DNAH7: variants seen among roughly 807,000 people sequenced by gnomAD.
DNAH7 encodes the protein dynein axonemal heavy chain 7.
DNAH7 carries 397 observed loss-of-function variants against 444.6 expected under a neutral mutation model. The ratio of observed to expected loss-of-function variants is 0.89; its 90% CI spans 0.82 to 0.97. The LOEUF (loss-of-function observed/expected upper bound fraction) is 0.97, where lower values mean the gene tolerates loss of function less well. Ranked by LOEUF, DNAH7 falls within the 50% of genes least tolerant of loss-of-function variation. The pLI is 0.00. For synonymous variants in DNAH7, 1,636 were observed against 1,624.4 expected (o/e 1.01, Z -0.17); for missense variants, 4,902 against 4,800.8 (o/e 1.02, Z -0.62).
intron 48 of DNAH7, among the ~76,000 whole-genome samples, chr2:195,828,614 T>A (rs59167640): frequency 0.18 from 21,967 of 124,818 alleles, 1,803 homozygotes; most frequent in East Asian, 0.29. Flanking sequence ...ATATATATTT[T>A]TTTTTTTTTT....
intron 1 of DNAH7, among the ~76,000 whole-genome samples, chr2:196,065,459 G>C (rs144264981): frequency 1.4e-4 from 22 of 152,296 alleles, no homozygotes; most frequent in African/African-American, 4.8e-4. Context: ...TAATGTCTGT[G>C]ATGGTTGTGC....
chr2:196,001,234 GTTC>G (rs1388419373), intron 11 of DNAH7, among the ~76,000 whole-genome samples: 2 of 152,096 alleles, frequency 1.3e-5, no homozygotes, highest in Non-Finnish European at 2.9e-5. Flanking sequence ...AACAGAAATG[GTTC>G]TTCTTTGCTA....
chr2:195,869,419 C>T (rs187229774), intron 40 of DNAH7, among the ~76,000 whole-genome samples: 244 of 152,130 alleles, frequency 1.6e-3, no homozygotes, highest in Non-Finnish European at 2.6e-3. Context: ...AGGAAAATCT[C>T]TGCTCTCATG....
chr2:196,049,047 C>T (rs563714515), intron 3 of DNAH7, among the ~76,000 whole-genome samples: 34 of 152,330 alleles, frequency 2.2e-4, no homozygotes, highest in African/African-American at 7.7e-4. Flanking sequence ...CACAAACCTA[C>T]TGTTGCTGAA....
chr2:195,837,342 G>A (rs1698425118), intron 47 of DNAH7, among the ~76,000 whole-genome samples: 1 of 152,196 alleles, frequency 6.6e-6, no homozygotes, highest in African/African-American at 2.4e-5. Context: ...TTCTAACCAA[G>A]ATGGGCTGGG....
intron 15 of DNAH7, among the ~76,000 whole-genome samples, chr2:195,974,280 T>C (rs576345913): frequency 6.6e-6 from 1 of 152,324 alleles, no homozygotes; most frequent in South Asian, 2.1e-4. Context: ...AATGTCTAAC[T>C]GAAAATATAT....
At chr2:196,042,419 T>C (rs944324272) in intron 5 of DNAH7, among the ~76,000 whole-genome samples, 3 of 151,916 alleles carry the variant, frequency 2.0e-5, no homozygotes, top group African/African-American at 7.2e-5. Context: ...TGTGAAAAGA[T>C]AAGGCACAAA....
rs1362670586 is a variant in DNAH7 at position 195,872,571 on chromosome 2, A to G, written c.6414-102T>C. 3.8e-5 allele frequency: 23 copies of G among 609,332 alleles called. 1 individual carries two copies. In the East Asian group the frequency reaches 6.8e-4, roughly 18 times the overall value. 37.7% of individuals were successfully genotyped at this position (609,332 alleles called of 1,614,324 possible). A position where few individuals can be genotyped will look rare whatever the true frequency, so the allele number is the denominator to read the frequency against. On this transcript the variant is annotated intron_variant, in intron 39 of 64. Transcript: ENST00000312428. Reference sequence around the variant, plus strand: ...GGACCAACATAAAATTTTAATTTTGATTAAATCAATTTCATTTATAAAATT... The same window carrying G: ...GGACCAACATAAAATTTTAATTTTGGTTAAATCAATTTCATTTATAAAATT...
intron 5 of DNAH7, among the ~76,000 whole-genome samples, chr2:196,034,476 C>T (rs577166653): frequency 7.9e-5 from 12 of 152,136 alleles, no homozygotes; most frequent in Admixed American, 2.0e-4. Flanking sequence ...ACAGTCTCAA[C>T]GCAATGCTTT....
chr2:195,872,209 T>C (rs1219022229), intron 40 of DNAH7, 41 bp downstream of exon 40: 1 of 1,462,314 alleles, frequency 6.8e-7, no homozygotes, highest in African/African-American at 1.4e-5. Flanking sequence ...GGCAAATCTT[T>C]GTTTCTCACA....
chr2:195,749,749 G>C (rs1175852776), intron 63 of DNAH7, among the ~76,000 whole-genome samples: 1 of 150,500 alleles, frequency 6.6e-6, no homozygotes, highest in Non-Finnish European at 1.5e-5. Flanking sequence ...ACCAAACACC[G>C]CGTATTCTCA....
In DNAH7 at chr2:195,858,621, A is replaced by G; in HGVS notation, c.7920T>C (p.Thr2640=). Residue 2640 remains threonine (T), a synonymous_variant, in exon 43 of 65, where the codon ACT becomes ACC. Coordinates refer to ENST00000312428, the MANE Select transcript of DNAH7 (RefSeq NM_018897.3). ...IEKESVEVAK[T]EKIVKADETI... is the part of the protein sequence containing the mutation. ...TTTCATCAGCTTTCACTATTTTTTCAGTTTTGGCAACTTCTACAGACTCTT... is the reference window on the plus strand; with the variant it reads ...TTTCATCAGCTTTCACTATTTTTTCGGTTTTGGCAACTTCTACAGACTCTT... 6.2e-7 allele frequency: 1 copy of G among 1,613,932 alleles called. No homozygotes were observed. The highest frequency in any genetic ancestry group is 8.5e-7 in the Non-Finnish European group (1 of 1,179,926).
At chr2:195,848,295 C>G in intron 46 of DNAH7, among the ~76,000 whole-genome samples, 1 of 152,246 alleles carries the variant, frequency 6.6e-6, no homozygotes, top group Non-Finnish European at 1.5e-5. Flanking sequence ...AGAAGCCCCA[C>G]AACTGGGTCT....
At chr2:195,743,868 T>A (rs1210515070) in intron 63 of DNAH7, among the ~76,000 whole-genome samples, 2 of 152,214 alleles carry the variant, frequency 1.3e-5, no homozygotes, top group Non-Finnish European at 2.9e-5. Flanking sequence ...AAATTAAGCC[T>A]GCACCGGACA....
chr2:195,848,026 TA>T (rs1699117257), intron 46 of DNAH7, among the ~76,000 whole-genome samples: 1 of 152,132 alleles, frequency 6.6e-6, no homozygotes, highest in Admixed American at 6.5e-5. Flanking sequence ...GTGAAAGACA[TA>T]ACTGGAGAGA....
chr2:195,832,468 G>A (rs1698123426), intron 48 of DNAH7, among the ~76,000 whole-genome samples: 1 of 150,596 alleles, frequency 6.6e-6, no homozygotes, highest in Non-Finnish European at 1.5e-5. Context: ...TTTGAGACAG[G>A]GTCTCACTGT....
At chr2:195,962,412 A>G (rs1465320535) in intron 17 of DNAH7, among the ~76,000 whole-genome samples, 2 of 152,132 alleles carry the variant, frequency 1.3e-5, no homozygotes, top group Admixed American at 1.3e-4. Flanking sequence ...ATGCAGTGGC[A>G]AGATCTCGGC....
chr2:195,777,751 A>T (rs985115065), intron 59 of DNAH7, 49 bp downstream of exon 59: 1 of 1,545,622 alleles, frequency 6.5e-7, no homozygotes, highest in Admixed American at 1.9e-5. Context: ...TCACTACCAA[A>T]ATAATTTCAT....
At chr2:195,791,546 C>T (rs1424791054) in intron 57 of DNAH7, among the ~76,000 whole-genome samples, 1 of 152,004 alleles carries the variant, frequency 6.6e-6, no homozygotes, top group Non-Finnish European at 1.5e-5. Flanking sequence ...CCAAACAATC[C>T]CATTACTGTG....
Sources: gnomAD v4.1 joint callset for allele counts (sites outside exome capture counted in the v4.1 genomes callset) on GRCh38, gnomAD v4.1.1 for gene constraint, MANE v1.5 for transcripts, NCBI Gene and HGNC (gene_info 2026-07-23, HGNC 2026-07-21) for gene names.